SPTBN1: variants seen among roughly 807,000 people sequenced by gnomAD.
SPTBN1 encodes the protein spectrin beta, non-erythrocytic 1.
SPTBN1 carries 32 observed loss-of-function variants against 266.4 expected under a neutral mutation model. The observed-to-expected ratio is 0.12, with a 90% CI of 0.09 to 0.16. The LOEUF is 0.16. Among genes scored for constraint, SPTBN1 ranks in the 10% least tolerant of loss-of-function variants. The pLI is 1.00. For missense variants in SPTBN1, 2,296 were observed against 3,067.1 expected, an observed-to-expected ratio of 0.75 and a Z score of 5.94; for synonymous variants, 1,336 against 1,162.2, an observed-to-expected ratio of 1.15 and a Z score of -3.04.
intron 2 of SPTBN1, among the ~76,000 whole-genome samples, chr2:54,580,767 A>C (rs77731061): frequency 0.01 from 1,545 of 152,228 alleles, 32 homozygotes; most frequent in African/African-American, 0.035. Flanking sequence ...CATAACCAAA[A>C]ATTTGTAAAA....
chr2:54,558,907 C>T lies in SPTBN1; in HGVS notation c.148+32341C>T. On this transcript the variant is annotated intron_variant, in intron 2 of 35. Coordinates refer to ENST00000356805, the MANE Select transcript of SPTBN1 (RefSeq NM_003128.3). The surrounding 1 kb of genome is among the most constrained non-coding windows in gnomAD (Gnocchi z 4.6). ...TGCAAGGTAAGCCCCCTCCCAAAGG[C>T]CGGGCCTGTCCTGGGTGCCAACGGG... The T allele has an allele frequency of 6.2e-7, 1 of 1,609,314 alleles. No individual in the cohort carries two copies. The highest frequency in any genetic ancestry group is 1.1e-5 in the South Asian group (1 of 90,602).
At chr2:54,474,242 C>T (rs12988767) in intron 1 of SPTBN1, among the ~76,000 whole-genome samples, 1 of 152,120 alleles carries the variant, frequency 6.6e-6, no homozygotes, top group South Asian at 2.1e-4. Context: ...CTTCAGATGC[C>T]TATAAAGATG....
At chr2:54,507,089 T>C (rs1186831665) in intron 1 of SPTBN1, among the ~76,000 whole-genome samples, 1 of 151,756 alleles carries the variant, frequency 6.6e-6, no homozygotes, top group Non-Finnish European at 1.5e-5. Flanking sequence ...GGTGGGGAGA[T>C]TATATAGAAC....
intron 1 of SPTBN1, among the ~76,000 whole-genome samples, chr2:54,494,651 A>G (rs887438053): frequency 3.3e-5 from 5 of 152,230 alleles, no homozygotes; most frequent in East Asian, 1.9e-4. Flanking sequence ...TTCTAACTGT[A>G]TGATTCCATT....
intron 2 of SPTBN1, among the ~76,000 whole-genome samples, chr2:54,555,327 T>C (rs960997492): frequency 6.6e-6 from 1 of 152,190 alleles, no homozygotes; most frequent in African/African-American, 2.4e-5. Flanking sequence ...CCCAGTGGTA[T>C]TGCAGGTAAC....
intron 18 of SPTBN1, among the ~76,000 whole-genome samples, chr2:54,639,142 TTTGA>T (rs1679360173): frequency 1.3e-5 from 2 of 152,276 alleles, no homozygotes; most frequent in Admixed American, 1.3e-4. Flanking sequence ...TAGTAACCCA[TTTGA>T]GTAGGATACT....
chr2:54,558,031 C>G lies in SPTBN1; in HGVS notation c.148+31465C>G, dbSNP rs1392017721. On this transcript the variant is annotated intron_variant, in intron 2 of 35. Coordinates refer to ENST00000356805, the MANE Select transcript of SPTBN1 (RefSeq NM_003128.3). This position sits in a 1 kb window ranked among gnomAD's most constrained non-coding sequence, Gnocchi z 4.6. ...GGCCCGGGACCCTTGGGGCTCTTCA[C>G]TCTCCAGGCCGTCCCGTGGGCGCGC... The G allele has an allele frequency of 1.0e-6, 1 of 985,320 alleles. No homozygotes were observed. The allele number at this position is 985,320 out of a possible 1,614,324, so 61.0% of individuals were successfully genotyped here.
intron 34 of SPTBN1, among the ~76,000 whole-genome samples, chr2:54,667,389 T>C (rs1257084210): frequency 6.6e-6 from 1 of 152,176 alleles, no homozygotes; most frequent in East Asian, 1.9e-4. Flanking sequence ...ACAGGCTCCC[T>C]GTGTGTATCA....
chr2:54,645,920 C>T lies in SPTBN1; in HGVS notation c.4495-8C>T, dbSNP rs182261480. On this transcript the variant is annotated splice_region_variant and splice_polypyrimidine_tract_variant and intron_variant, in intron 21 of 35. Transcript: ENST00000356805. This position sits in a 1 kb window ranked among gnomAD's most constrained non-coding sequence, Gnocchi z 4.3. Reference sequence around the variant, plus strand: ...TGGATCTGACCACTTATTTAAAATTCTTCCCAGTTGTGGGTTGGAGAGAGG... The same window carrying T: ...TGGATCTGACCACTTATTTAAAATTTTTCCCAGTTGTGGGTTGGAGAGAGG... 8,120 of 1,614,152 alleles carry T rather than the reference C, an allele frequency of 5.0e-3. 32 individuals are homozygous for T. The highest frequency in any genetic ancestry group is 0.013 in the Middle Eastern group (76 of 6,062).
rs1294881715 is a variant in SPTBN1 at position 54,645,468 on chromosome 2, A to C, written c.4494+15A>C. The C allele has an allele frequency of 6.2e-7, 1 of 1,612,382 alleles. No homozygotes were observed. The highest frequency in any genetic ancestry group is 1.3e-5 in the African/African-American group (1 of 74,904). The stretch of plus-strand genomic sequence containing the variant: ...AGGACGAGATCGTGAGTCGACCCCT[A>C]CTGCACACATGGCTTTTCCACGAGC... On this transcript the variant is annotated intron_variant, in intron 21 of 35. Transcript: ENST00000356805. The surrounding 1 kb of genome is among the most constrained non-coding windows in gnomAD (Gnocchi z 4.3).
At chr2:54,572,130 G>A (rs1234323721) in intron 2 of SPTBN1, among the ~76,000 whole-genome samples, 1 of 152,136 alleles carries the variant, frequency 6.6e-6, no homozygotes, top group African/African-American at 2.4e-5. Context: ...AGGAGAAGAG[G>A]AGAGGAGAGG....
intron 1 of SPTBN1, among the ~76,000 whole-genome samples, chr2:54,469,433 T>A (rs1693805819): frequency 6.6e-6 from 1 of 151,904 alleles, no homozygotes; most frequent in Non-Finnish European, 1.5e-5. Context: ...GAGGGAAAAA[T>A]CTGAGCTGGG....
At chr2:54,521,347 C>T (rs939950638) in intron 1 of SPTBN1, among the ~76,000 whole-genome samples, 4 of 152,110 alleles carry the variant, frequency 2.6e-5, no homozygotes, top group East Asian at 1.9e-4. Flanking sequence ...GATGTTTTGC[C>T]GTGAAATTGC....
chr2:54,568,370 AAAG>A (rs1170471000), intron 2 of SPTBN1, among the ~76,000 whole-genome samples: 14 of 136,422 alleles, frequency 1.0e-4, no homozygotes, highest in East Asian at 6.5e-4. Flanking sequence ...AAAAAAAAAA[AAAG>A]AAGAAGAAGC....
chr2:54,485,316 G>C (rs1335252779), intron 1 of SPTBN1, among the ~76,000 whole-genome samples: 2 of 150,380 alleles, frequency 1.3e-5, no homozygotes, highest in East Asian at 2.0e-4. Context: ...TCAGCCTGCC[G>C]AGTGCCTGCA....
intron 1 of SPTBN1, among the ~76,000 whole-genome samples, chr2:54,482,411 G>A (rs1668146785): frequency 6.6e-6 from 1 of 151,982 alleles, no homozygotes; most frequent in Non-Finnish European, 1.5e-5. Flanking sequence ...GCAGATGTCT[G>A]GGTCCCACTT....
intron 18 of SPTBN1, 98 bp from the exon 19 acceptor site, chr2:54,642,885 G>C: frequency 7.0e-7 from 1 of 1,429,876 alleles, no homozygotes; most frequent in South Asian, 1.4e-5. Context: ...GGAAACGTGT[G>C]TAGTATGCAT....
rs774540024 is a variant in SPTBN1, at chr2:54,558,809, G to C, written c.148+32243G>C. On this transcript the variant is annotated intron_variant, in intron 2 of 35. Coordinates refer to ENST00000356805, the MANE Select transcript of SPTBN1 (RefSeq NM_003128.3). This position sits in a 1 kb window ranked among gnomAD's most constrained non-coding sequence, Gnocchi z 4.6. ...ATTGCAGAGGACGTCTAGTATCTCC[G>C]GGCCGCTGTCGCCGGCGTACACGGG... 7 of 1,613,840 alleles carry C rather than the reference G, an allele frequency of 4.3e-6. No homozygotes were observed. Among genetic ancestry groups the C allele is most frequent in the Middle Eastern group, 1.7e-4 (1 of 6,060 alleles).
intron 2 of SPTBN1, among the ~76,000 whole-genome samples, chr2:54,587,182 A>G (rs1253565484): frequency 1.3e-5 from 2 of 152,232 alleles, no homozygotes; most frequent in Non-Finnish European, 2.9e-5. Flanking sequence ...CAAGGCTCCT[A>G]CAACAAAAGC....
Sources: allele counts gnomAD v4.1 joint callset (sites outside exome capture counted in the v4.1 genomes callset), GRCh38; gene constraint gnomAD v4.1.1; non-coding constraint Gnocchi (gnomAD v3.1); transcripts MANE v1.5; gene names NCBI Gene and HGNC (gene_info 2026-07-23, HGNC 2026-07-21).